Variants in GRM7 observed in about 807,000 individuals in gnomAD.
GRM7 encodes the protein glutamate metabotropic receptor 7, also known as metabotropic glutamate receptor 7.
A neutral mutation model predicts 84.5 loss-of-function variants in GRM7; 35 were observed. The observed-to-expected ratio is 0.41, with a 90% CI of 0.32 to 0.55. The LOEUF is 0.55. Ranked by LOEUF, GRM7 falls within the 20% of genes least tolerant of loss-of-function variation. The pLI is 0.19. For synonymous variants in GRM7, 487 were observed against 455.1 expected (o/e 1.07, Z -0.89); for missense variants, 1,003 against 1,194.6 (o/e 0.84, Z 2.36).
At chr3:7,574,161 CT>C (rs3034008) in intron 7 of GRM7, among the ~76,000 whole-genome samples, 3,662 of 133,578 alleles carry the variant, frequency 0.027, 101 homozygotes, top group African/African-American at 0.084. Flanking sequence ...CTTAGGCTTG[CT>C]TTTTTTTTTT....
At chr3:7,631,466 C>T (rs1347984515) in intron 8 of GRM7, among the ~76,000 whole-genome samples, 1 of 152,094 alleles carries the variant, frequency 6.6e-6, no homozygotes, top group Non-Finnish European at 1.5e-5. Context: ...TATATTTTTC[C>T]TCCTTTATCC....
At chr3:7,661,540 A>T (rs781756166) in intron 8 of GRM7, among the ~76,000 whole-genome samples, 2 of 152,046 alleles carry the variant, frequency 1.3e-5, no homozygotes, top group Non-Finnish European at 2.9e-5. Context: ...CACGCCTGTA[A>T]TCCCAGCACT....
intron 2 of GRM7, among the ~76,000 whole-genome samples, chr3:7,288,065 T>G (rs1303116865): frequency 6.6e-6 from 1 of 152,152 alleles, no homozygotes; most frequent in Non-Finnish European, 1.5e-5. Context: ...AAAGTTAAAT[T>G]CTGTGTATTT....
At chr3:6,994,650 C>A (rs1377353814) in intron 1 of GRM7, among the ~76,000 whole-genome samples, 1 of 151,996 alleles carries the variant, frequency 6.6e-6, no homozygotes, top group Non-Finnish European at 1.5e-5. Context: ...ACTATTACAG[C>A]TTTTTTTTCT....
At chr3:6,925,853 C>T (rs1033793090) in intron 1 of GRM7, among the ~76,000 whole-genome samples, 1 of 152,182 alleles carries the variant, frequency 6.6e-6, no homozygotes, top group Non-Finnish European at 1.5e-5. Flanking sequence ...ATATTTGTAG[C>T]CCATCATCAC....
At chr3:7,720,056 T>G (rs1052247644) in intron 9 of GRM7, among the ~76,000 whole-genome samples, 4 of 152,178 alleles carry the variant, frequency 2.6e-5, no homozygotes, top group African/African-American at 9.7e-5. Context: ...TGCTACACAC[T>G]TCACATACAG....
chr3:7,121,572 C>A (rs1204939451), intron 1 of GRM7, among the ~76,000 whole-genome samples: 1 of 152,072 alleles, frequency 6.6e-6, no homozygotes, highest in Non-Finnish European at 1.5e-5. Flanking sequence ...CAACATTATC[C>A]CCCTTTCCTC....
At chr3:7,146,762 T>G (rs1232580992) in intron 2 of GRM7, 94 bp downstream of exon 2, 1 of 811,474 alleles carries the variant, frequency 1.2e-6, no homozygotes, top group African/African-American at 1.7e-5. Flanking sequence ...CACTACAGAC[T>G]CTTACATTCC....
At chr3:7,265,249 A>T (rs1698595893) in intron 2 of GRM7, among the ~76,000 whole-genome samples, 1 of 152,204 alleles carries the variant, frequency 6.6e-6, no homozygotes, top group African/African-American at 2.4e-5. Context: ...TCAACTTTTG[A>T]TCTGACTTGA....
chr3:7,167,188 T>C (rs371081784), intron 2 of GRM7, among the ~76,000 whole-genome samples: 107 of 152,350 alleles, frequency 7.0e-4, no homozygotes, highest in African/African-American at 2.4e-3. Context: ...GCAGCTTCTC[T>C]TGTTTTTATT....
intron 2 of GRM7, among the ~76,000 whole-genome samples, chr3:7,260,093 C>A (rs1431237215): frequency 6.6e-6 from 1 of 151,604 alleles, no homozygotes; most frequent in African/African-American, 2.4e-5. Flanking sequence ...TGTATGTCTT[C>A]TTTTGAAAAG....
chr3:7,114,885 C>A (rs900781157), intron 1 of GRM7, among the ~76,000 whole-genome samples: 2 of 152,098 alleles, frequency 1.3e-5, no homozygotes, highest in Non-Finnish European at 2.9e-5. Context: ...TCACTGCTGC[C>A]CACCCCATGT....
chr3:7,048,562 G>A (rs1292447430), intron 1 of GRM7, among the ~76,000 whole-genome samples: 1 of 151,554 alleles, frequency 6.6e-6, no homozygotes, highest in Non-Finnish European at 1.5e-5. Flanking sequence ...GCTTTAGAAA[G>A]ACAAGCTTTA....
chr3:7,353,187 G>T (rs1268294014), intron 4 of GRM7, among the ~76,000 whole-genome samples: 1 of 152,022 alleles, frequency 6.6e-6, no homozygotes, highest in African/African-American at 2.4e-5. Flanking sequence ...GACTCAAGAC[G>T]CAGCAGGTCC....
intron 2 of GRM7, among the ~76,000 whole-genome samples, chr3:7,256,685 G>A (rs955349825): frequency 6.6e-6 from 1 of 152,064 alleles, no homozygotes; most frequent in Admixed American, 6.6e-5. Context: ...TCCCTAAAGG[G>A]AAATGCTCAA....
At chr3:7,378,474 A>T (rs1241304806) in intron 4 of GRM7, among the ~76,000 whole-genome samples, 1 of 152,296 alleles carries the variant, frequency 6.6e-6, no homozygotes, top group African/African-American at 2.4e-5. Flanking sequence ...AAGAAGTCCT[A>T]AGTATTACAA....
intron 9 of GRM7, among the ~76,000 whole-genome samples, chr3:7,720,917 G>A (rs370236736): frequency 6.6e-6 from 1 of 152,332 alleles, no homozygotes; most frequent in African/African-American, 2.4e-5. Context: ...TGCACTGGAT[G>A]TGTTCCTTAA....
intron 2 of GRM7, among the ~76,000 whole-genome samples, chr3:7,178,514 C>T (rs1351137602): frequency 6.6e-6 from 1 of 152,068 alleles, no homozygotes; most frequent in Non-Finnish European, 1.5e-5. Flanking sequence ...CCTCAGCTCA[C>T]CTCTAATTTC....
At chr3:7,418,925 G>A (rs1485794822) in intron 5 of GRM7, among the ~76,000 whole-genome samples, 1 of 152,138 alleles carries the variant, frequency 6.6e-6, no homozygotes, top group African/African-American at 2.4e-5. Flanking sequence ...TTTTTGAAGT[G>A]AGAATAGTAA....
Sources: allele counts gnomAD v4.1 joint callset (sites outside exome capture counted in the v4.1 genomes callset), GRCh38; gene constraint gnomAD v4.1.1; transcripts MANE v1.5; gene names NCBI Gene and HGNC (gene_info 2026-07-23, HGNC 2026-07-21).